ASCC2: variants seen among roughly 807,000 people sequenced by gnomAD.
ASCC2 encodes activating signal cointegrator 1 complex subunit 2, also known as ASC-1 complex subunit P100.
ASCC2 carries 42 observed loss-of-function variants against 93.5 expected under a neutral mutation model. The ratio of observed to expected loss-of-function variants is 0.45; its 90% confidence interval spans 0.35 to 0.58. The LOEUF is 0.58. Ranked by LOEUF, ASCC2 falls within the 20% of genes least tolerant of loss-of-function variation. The probability of loss-of-function intolerance (pLI) is 0.00; values close to 1 mark genes in which losing one functional copy is unlikely to be tolerated. For synonymous variants in ASCC2, 364 were observed against 384.2 expected, an observed-to-expected ratio of 0.95 and a Z score of 0.62; for missense variants, 859 against 977.6, an observed-to-expected ratio of 0.88 and a Z score of 1.62.
Position 29,793,588 on chromosome 22 carries a change from C to T in ASCC2, c.1777G>A (p.Val593Met). The change falls in exon 16 of 20, where the codon GTG becomes ATG. Residue 593 changes from valine to methionine, a missense_variant. By Grantham distance (21) the Val-to-Met change is conservative. Coordinates refer to ENST00000307790, the MANE Select transcript of ASCC2 (RefSeq NM_032204.5). ...CCTTGGTGGCCTACCTCCTCCACCA[C>T]CACGCTGTACTGCTCGTAGCGCTGC... The part of the protein sequence containing the change: ...QRQRYEQYSV[V>M]VEEVPLQPGE... 1 of 1,612,478 alleles carries T rather than the reference C, an allele frequency of 6.2e-7. No individual in the cohort carries two copies. The highest frequency in any genetic ancestry group is 1.1e-5 in the South Asian group (1 of 90,902).
chr22:29,789,756 C>T (rs1363747715), intron 19 of ASCC2, among the ~76,000 whole-genome samples: 1 of 152,244 alleles, frequency 6.6e-6, no homozygotes, highest in Admixed American at 6.5e-5. Flanking sequence ...ATCCAAATGC[C>T]TTCCCTGTGG....
rs763494159 is a variant in ASCC2, at chr22:29,793,498, G to T, written c.1789-8C>A. The T allele has an allele frequency of 6.2e-7, 1 of 1,614,124 alleles. No individual in the cohort carries two copies. Among genetic ancestry groups the T allele is most frequent in the South Asian group, 1.1e-5 (1 of 91,082 alleles). The stretch of plus-strand genomic sequence containing the variant: ...GCCTGGCTGCAGTGGCACCTGCAAT[G>T]GCATAAGCATGGGTCTGGGGGGCTC... On this transcript the variant is annotated splice_region_variant and splice_polypyrimidine_tract_variant and intron_variant, in intron 16 of 19. Coordinates refer to ENST00000307790, the MANE Select transcript of ASCC2 (RefSeq NM_032204.5).
At chr22:29,834,421 A>G (rs1269835254) in intron 1 of ASCC2, 1 of 462,776 alleles carries the variant, frequency 2.2e-6, no homozygotes, top group Non-Finnish European at 4.5e-6. Flanking sequence ...GGCCTGTTAT[A>G]AAGACTGTGA....
At chr22:29,832,113 G>T in intron 2 of ASCC2, 132 bp downstream of exon 2, 1 of 738,090 alleles carries the variant, frequency 1.4e-6, no homozygotes, top group Non-Finnish European at 2.2e-6. Flanking sequence ...GACTAGTAGT[G>T]TCTCAGCTAC....
chr22:29,815,470 A>G (rs2060733034), intron 6 of ASCC2, among the ~76,000 whole-genome samples: 2 of 152,234 alleles, frequency 1.3e-5, no homozygotes, highest in Non-Finnish European at 2.9e-5. Context: ...ACAAATCAAC[A>G]GTGAGAGGAA....
intron 2 of ASCC2, chr22:29,826,012 T>A (rs984446860): frequency 1.5e-5 from 7 of 451,628 alleles, no homozygotes; most frequent in Non-Finnish European, 2.7e-5. Context: ...CGGGGAAAGG[T>A]TAAGGGAAGA....
chr22:29,826,514 G>A (rs1189517137), intron 2 of ASCC2, among the ~76,000 whole-genome samples: 1 of 151,984 alleles, frequency 6.6e-6, no homozygotes, highest in Non-Finnish European at 1.5e-5. Context: ...GTTTTGCCAT[G>A]TTGCCCAGGT....
intron 8 of ASCC2, among the ~76,000 whole-genome samples, chr22:29,809,200 CATG>C: frequency 6.6e-6 from 1 of 151,064 alleles, no homozygotes; most frequent in Non-Finnish European, 1.5e-5. Context: ...TAAATGTTCT[CATG>C]ATTTTTTCCC....
intron 5 of ASCC2, chr22:29,821,902 G>C (rs1475322996): frequency 4.5e-6 from 2 of 446,496 alleles, no homozygotes; most frequent in African/African-American, 4.1e-5. Context: ...GGGAGGCTGA[G>C]TTGGGGGGAT....
chr22:29,814,861 T>C lies in ASCC2; in HGVS notation c.610-94A>G, dbSNP rs997348494. ...GGGTCAGGTGATCTGAAAACTGCCT[T>C]GGAGTTTCTAGAATATTTACCCATG... On this transcript the variant is annotated intron_variant, in intron 6 of 19. Coordinates refer to ENST00000307790, the MANE Select transcript of ASCC2 (RefSeq NM_032204.5). The C allele has an allele frequency of 1.1e-5, 10 of 942,348 alleles. No individual in the cohort carries two copies. In the African/African-American group the frequency reaches 1.7e-4, roughly 16 times the overall value. The allele number at this position is 942,348 out of a possible 1,614,324, so 58.4% of individuals were successfully genotyped here. A position where few individuals can be genotyped will look rare whatever the true frequency, so the allele number is the denominator to read the frequency against.
intron 2 of ASCC2, among the ~76,000 whole-genome samples, chr22:29,831,530 G>A (rs1033485453): frequency 6.6e-6 from 1 of 152,154 alleles, no homozygotes; most frequent in Admixed American, 6.5e-5. Flanking sequence ...CATCTAGAAG[G>A]CAGGAAATAA....
chr22:29,825,604 A>C lies in ASCC2; in HGVS notation c.240+18T>G. ...TGTCATGTGCTTTGTCTTAGCGTTA[A>C]TTTTGATAGAATGTTACCTGGCACC... On this transcript the variant is annotated intron_variant, in intron 3 of 19. Coordinates refer to ENST00000307790, the MANE Select transcript of ASCC2 (RefSeq NM_032204.5). The surrounding 1 kb of genome is among the most constrained non-coding windows in gnomAD (Gnocchi z 4.9). 1 of 1,614,164 alleles carries C rather than the reference A, an allele frequency of 6.2e-7. No homozygotes were observed. Among genetic ancestry groups the C allele is most frequent in the African/African-American group, 1.3e-5 (1 of 75,060 alleles).
intron 1 of ASCC2, among the ~76,000 whole-genome samples, chr22:29,837,850 A>T (rs1420981202): frequency 1.3e-5 from 2 of 152,122 alleles, no homozygotes; most frequent in East Asian, 3.9e-4. Flanking sequence ...TGTATCCCCA[A>T]TGTCTAGATC....
intron 17 of ASCC2, 75 bp downstream of exon 17, chr22:29,793,285 A>C (rs777680486): frequency 5.7e-6 from 9 of 1,589,954 alleles, no homozygotes; most frequent in Non-Finnish European, 6.8e-6. Context: ...ACATCTGTGT[A>C]AACAAGTGGG....
At chr22:29,833,051 C>T (rs2063354518) in intron 1 of ASCC2, among the ~76,000 whole-genome samples, 1 of 152,138 alleles carries the variant, frequency 6.6e-6, no homozygotes, top group Non-Finnish European at 1.5e-5. Flanking sequence ...CCAAAGCGCT[C>T]ACAGGTGTGA....
chr22:29,793,741 A>T, intron 15 of ASCC2, 65 bp from the exon 16 acceptor site: 1 of 1,458,282 alleles, frequency 6.9e-7, no homozygotes, highest in Non-Finnish European at 9.3e-7. Flanking sequence ...CAGGGTACGG[A>T]GGGTCCAGAG....
At chr22:29,805,476 CCAGA>C (rs760284401) in intron 12 of ASCC2, among the ~76,000 whole-genome samples, 12 of 152,294 alleles carry the variant, frequency 7.9e-5, no homozygotes, top group Non-Finnish European at 1.3e-4. Flanking sequence ...CTTCCCTGGG[CCAGA>C]CAGAGCTTTT....
chr22:29,793,239 G>A (rs2057995848), intron 17 of ASCC2, 121 bp downstream of exon 17: 2 of 1,377,978 alleles, frequency 1.5e-6, no homozygotes, highest in Non-Finnish European at 2.0e-6. Flanking sequence ...ACTGGATTAG[G>A]AGTCAGGAGG....
chr22:29,820,846 C>T (rs887767813), intron 5 of ASCC2, among the ~76,000 whole-genome samples: 33 of 141,238 alleles, frequency 2.3e-4, no homozygotes, highest in African/African-American at 6.9e-4. Flanking sequence ...GCGGAGGTTG[C>T]GGTGGGCCGA....
Sources: allele counts gnomAD v4.1 joint callset (sites outside exome capture counted in the v4.1 genomes callset), GRCh38; gene constraint gnomAD v4.1.1; non-coding constraint Gnocchi (gnomAD v3.1); transcripts MANE v1.5; gene names NCBI Gene and HGNC (gene_info 2026-07-23, HGNC 2026-07-21).